Variants in SCN4B observed in about 807,000 individuals in gnomAD.
SCN4B encodes sodium channel regulatory subunit beta-4.
In SCN4B, 20 loss-of-function variants were observed where a neutral mutation model predicts 19.6. The ratio of observed to expected loss-of-function variants is 1.02; its 90% confidence interval spans 0.72 to 1.48. The LOEUF (loss-of-function observed/expected upper bound fraction) is 1.48, where lower values mean the gene tolerates loss of function less well. Ranked by LOEUF, SCN4B falls within the 40% of genes most tolerant of loss-of-function variation. The pLI, the probability that SCN4B is intolerant of heterozygous loss-of-function variation, is 0.00. For missense variants in SCN4B, 271 were observed against 287.5 expected (o/e 0.94, Z 0.42); for synonymous variants, 127 against 122.8 (o/e 1.03, Z -0.22).
rs898160741 is a variant in SCN4B, at chr11:118,136,477, G to A, written c.*550C>T. 2.2e-6 allele frequency: 1 copy of A among 453,848 alleles called. No individual in the cohort carries two copies. Among genetic ancestry groups the A allele is most frequent in the South Asian group, 1.6e-5 (1 of 64,466 alleles). The allele number at this position is 453,848 out of a possible 1,614,324, so 28.1% of individuals were successfully genotyped here. On this transcript the variant is annotated 3_prime_UTR_variant, in exon 5 of 5. Coordinates refer to ENST00000324727, the MANE Select transcript of SCN4B (RefSeq NM_174934.4). ...GGGAAAGGAAGTTTCCTACTTGGAA[G>A]ACTGTGGGGGATCTGGTATCCTATG...
Position 118,144,722 on chromosome 11 carries a change from T to C in SCN4B, c.234+335A>G, listed in dbSNP as rs573312163. ...TCATTCAGACTCTTCTCATTCCTTCTCTCCAAGCTTTCCAAGGCCTTTCTC... is the reference window on the plus strand; with the variant it reads ...TCATTCAGACTCTTCTCATTCCTTCCCTCCAAGCTTTCCAAGGCCTTTCTC... On this transcript the variant is annotated intron_variant, in intron 2 of 4. Coordinates refer to ENST00000324727, the MANE Select transcript of SCN4B (RefSeq NM_174934.4). 2.6e-5 allele frequency among the ~76,000 whole-genome samples: 4 copies of C among 152,260 alleles called. No homozygotes were observed. The East Asian group carries it at 5.8e-4, about 22-fold the overall frequency.
intron 1 of SCN4B, among the ~76,000 whole-genome samples, chr11:118,150,849 G>C (rs542062424): frequency 1.1e-4 from 17 of 152,316 alleles, no homozygotes; most frequent in Non-Finnish European, 2.1e-4. Flanking sequence ...ACCTGGTCAA[G>C]GGCCAAAGGG....
intron 4 of SCN4B, among the ~76,000 whole-genome samples, chr11:118,139,597 T>C (rs1419168798): frequency 6.6e-6 from 1 of 152,132 alleles, no homozygotes; most frequent in East Asian, 1.9e-4. Context: ...GAACTCTAGA[T>C]ATGCCCAGTG....
rs1412347177 is a variant in SCN4B at position 118,133,900 on chromosome 11, G to A, written c.*3127C>T. The A allele has an allele frequency of 4.4e-6, 2 of 454,264 alleles. No homozygotes were observed. Among genetic ancestry groups the A allele is most frequent in the East Asian group, 6.9e-5 (1 of 14,400 alleles). The allele number at this position is 454,264 out of a possible 1,614,324, so 28.1% of individuals were successfully genotyped here. ...AGATGCCTCAACAGGCATAGCTCAGGCCAAGAAAGACGGCTCCTCAAATGT... is the reference window on the plus strand; with the variant it reads ...AGATGCCTCAACAGGCATAGCTCAGACCAAGAAAGACGGCTCCTCAAATGT... On this transcript the variant is annotated 3_prime_UTR_variant, in exon 5 of 5. Coordinates refer to ENST00000324727, the MANE Select transcript of SCN4B (RefSeq NM_174934.4).
chr11:118,144,212 G>T, intron 2 of SCN4B, 151 bp from the exon 3 acceptor site: 1 of 643,562 alleles, frequency 1.6e-6, no homozygotes, highest in Admixed American at 2.5e-5. Context: ...TTCCCCCCAT[G>T]GTTTCCTCTT....
chr11:118,145,250 C>A, intron 1 of SCN4B, 21 bp from the exon 2 acceptor site: 1 of 1,613,738 alleles, frequency 6.2e-7, no homozygotes, highest in Non-Finnish European at 8.5e-7. Context: ...AGCACCGCCT[C>A]CCTTAATAAA....
Position 118,149,509 on chromosome 11 carries a change from G to A in SCN4B, c.61+3104C>T, listed in dbSNP as rs532265429. On this transcript the variant is annotated intron_variant, in intron 1 of 4. Coordinates refer to ENST00000324727, the MANE Select transcript of SCN4B (RefSeq NM_174934.4). ...GGCTTTGGGAGGCAGGGATGGGCCAGGTAAGGCCCCTGGGCCCAGAGACAA... is the reference window on the plus strand; with the variant it reads ...GGCTTTGGGAGGCAGGGATGGGCCAAGTAAGGCCCCTGGGCCCAGAGACAA... Among the ~76,000 whole-genome samples the A allele has an allele frequency of 4.6e-5, 7 of 152,318 alleles. No homozygotes were observed. In the South Asian group the frequency reaches 1.2e-3, roughly 27 times the overall value.
intron 1 of SCN4B, among the ~76,000 whole-genome samples, chr11:118,149,688 C>T (rs1172562012): frequency 1.3e-5 from 2 of 152,222 alleles, no homozygotes; most frequent in African/African-American, 4.8e-5. Flanking sequence ...CCTGTCCCTC[C>T]TCTTACAGGC....
intron 1 of SCN4B, among the ~76,000 whole-genome samples, chr11:118,152,033 G>A (rs1026634288): frequency 6.6e-6 from 1 of 152,134 alleles, no homozygotes; most frequent in African/African-American, 2.4e-5. Context: ...GAATGATCCC[G>A]CAAGCCCCTC....
chr11:118,135,050 A>G lies in SCN4B; in HGVS notation c.*1977T>C, dbSNP rs1286540612. 1 of 453,996 alleles carries G rather than the reference A, an allele frequency of 2.2e-6. No individual in the cohort carries two copies. The highest frequency in any genetic ancestry group is 6.9e-5 in the East Asian group (1 of 14,408). The allele number at this position is 453,996 out of a possible 1,614,324, so 28.1% of individuals were successfully genotyped here. On this transcript the variant is annotated 3_prime_UTR_variant, in exon 5 of 5. Transcript: ENST00000324727. Reference sequence around the variant, plus strand: ...GAGCCCCAAGGTGCTCTGCCTCTTCAAATGTCACCATTGAGAAGGAAGAAG... The same window carrying G: ...GAGCCCCAAGGTGCTCTGCCTCTTCGAATGTCACCATTGAGAAGGAAGAAG...
chr11:118,140,306 G>A (rs1470513953), intron 4 of SCN4B, among the ~76,000 whole-genome samples: 1 of 151,966 alleles, frequency 6.6e-6, no homozygotes, highest in South Asian at 2.1e-4. Flanking sequence ...CAGCCCCAGC[G>A]CTGCTACCTG....
chr11:118,136,313 T>C lies in SCN4B; in HGVS notation c.*714A>G. 2 of 453,850 alleles carry C rather than the reference T, an allele frequency of 4.4e-6. No homozygotes were observed. Among genetic ancestry groups the C allele is most frequent in the Non-Finnish European group, 8.8e-6 (2 of 226,702 alleles). 28.1% of individuals were successfully genotyped at this position (453,850 alleles called of 1,614,324 possible). A position where few individuals can be genotyped will look rare whatever the true frequency, so the allele number is the denominator to read the frequency against. On this transcript the variant is annotated 3_prime_UTR_variant, in exon 5 of 5. Coordinates refer to ENST00000324727, the MANE Select transcript of SCN4B (RefSeq NM_174934.4). Reference sequence around the variant, plus strand: ...CAGGAAGGCTCGAGGGGCCCCTTCCTGAGCCCCTCAGTAACCCAGAGAGCA... The same window carrying C: ...CAGGAAGGCTCGAGGGGCCCCTTCCCGAGCCCCTCAGTAACCCAGAGAGCA...
rs1947971307 is a variant in SCN4B at position 118,134,718 on chromosome 11, G to A, written c.*2309C>T. 3 of 454,004 alleles carry A rather than the reference G, an allele frequency of 6.6e-6. No homozygotes were observed. The highest frequency in any genetic ancestry group is 2.0e-5 in the African/African-American group (1 of 50,010). The allele number at this position is 454,004 out of a possible 1,614,324, so 28.1% of individuals were successfully genotyped here. On this transcript the variant is annotated 3_prime_UTR_variant, in exon 5 of 5. Coordinates refer to ENST00000324727, the MANE Select transcript of SCN4B (RefSeq NM_174934.4). ...AGAGAGTGTGTGTGTCTGTATGTGGGTTGTAGAGATGGGACACAGAGATGA... is the reference window on the plus strand; with the variant it reads ...AGAGAGTGTGTGTGTCTGTATGTGGATTGTAGAGATGGGACACAGAGATGA...
Position 118,144,055 on chromosome 11 carries a change from C to A in SCN4B, c.241G>T (p.Glu81Ter), listed in dbSNP as rs752087024. The A allele has an allele frequency of 1.9e-6, 3 of 1,610,812 alleles. No homozygotes were observed. Among genetic ancestry groups the A allele is most frequent in the Middle Eastern group, 1.6e-4 (1 of 6,062 alleles). Residue 81 changes from glutamate to a stop codon, truncating the protein, a stop_gained, in exon 3 of 5, where the codon GAG becomes TAG. Transcript: ENST00000324727. LOFTEE classifies it high-confidence loss of function. Reference sequence around the variant, plus strand: ...GACTTCTCATTCTTCACAGTCCCCTCTATGAGCTGGTGGAGGAAGGGAGTT... The same window carrying A: ...GACTTCTCATTCTTCACAGTCCCCTATATGAGCTGGTGGAGGAAGGGAGTT... The part of the protein sequence containing the change: ...NSSDAFKILI[E>*]GTVKNEKSDP...
chr11:118,136,158 G>T lies in SCN4B; in HGVS notation c.*869C>A, dbSNP rs1473000757. The stretch of plus-strand genomic sequence containing the variant: ...AGTGGCGATGGTCCTGCCATGCCAG[G>T]GGAGGGGCTGCCAGCATTGGCAGCA... On this transcript the variant is annotated 3_prime_UTR_variant, in exon 5 of 5. Transcript: ENST00000324727. 2 of 453,698 alleles carry T rather than the reference G, an allele frequency of 4.4e-6. No individual in the cohort carries two copies. The highest frequency in any genetic ancestry group is 8.8e-6 in the Non-Finnish European group (2 of 226,628). The allele number at this position is 453,698 out of a possible 1,614,324, so 28.1% of individuals were successfully genotyped here.
chr11:118,136,706 TGTGCAGGG>T lies in SCN4B; in HGVS notation c.*313_*320del, dbSNP rs1417668263. The T allele has an allele frequency of 2.0e-6, 1 of 503,950 alleles. No individual in the cohort carries two copies. The highest frequency in any genetic ancestry group is 2.3e-5 in the Admixed American group (1 of 43,958). The allele number at this position is 503,950 out of a possible 1,614,324, so 31.2% of individuals were successfully genotyped here. ...CCTGGAGGAAAATCAAGGCCCTGCT[TGTGCAGGG>T]TAGGGAGACTGAAGGAGACCCCATC... On this transcript the variant is annotated 3_prime_UTR_variant, in exon 5 of 5. Transcript: ENST00000324727.
In SCN4B at chr11:118,145,154, C is replaced by T. The variant is rs1191512593; in HGVS notation, c.137G>A (p.Gly46Asp). ...GKATDIYAVN[G>D]TEILLPCTFS... is the part of the protein sequence containing the mutation. ...GGTGCAGGGCAGCAGGATCTCCGTG[C>T]CATTGACAGCGTAGATGTCGGTGGC... The change falls in exon 2 of 5, where the codon GGC (glycine) becomes GAC (aspartate). Residue 46 changes from glycine (G) to aspartate (D), a missense_variant. By Grantham distance (94) the Gly-to-Asp change is moderately conservative. Transcript: ENST00000324727. The T allele has an allele frequency of 1.9e-6, 3 of 1,614,012 alleles. No homozygotes were observed. In the African/African-American group the frequency reaches 4.0e-5, roughly 22 times the overall value.
intron 4 of SCN4B, among the ~76,000 whole-genome samples, chr11:118,138,214 C>G (rs1348651924): frequency 2.0e-5 from 3 of 152,204 alleles, no homozygotes; most frequent in Admixed American, 6.5e-5. Context: ...CAAACTACAT[C>G]CTACCCTCAC....
intron 1 of SCN4B, chr11:118,145,519 C>A: frequency 7.8e-7 from 1 of 1,289,180 alleles, no homozygotes; most frequent in Non-Finnish European, 1.0e-6. Flanking sequence ...GGCCTGGCCA[C>A]TGCCGCGAAC....
Sources: gnomAD v4.1 joint callset for allele counts (sites outside exome capture counted in the v4.1 genomes callset) on GRCh38, gnomAD v4.1.1 for gene constraint, MANE v1.5 for transcripts, NCBI Gene and HGNC (gene_info 2026-07-23, HGNC 2026-07-21) for gene names.